Variants in USH2A observed in about 807,000 individuals in gnomAD.
The protein encoded by USH2A is usherin.
USH2A carries 443 observed loss-of-function variants against 538.9 expected under a neutral mutation model. That is an observed-to-expected ratio of 0.82 (90% CI 0.76 to 0.89). The LOEUF (loss-of-function observed/expected upper bound fraction) is 0.89. Among genes scored for constraint, USH2A ranks in the 40% least tolerant of loss-of-function variants. USH2A has a pLI of 0.00. For synonymous variants in USH2A, 2,413 were observed against 2,273.5 expected, an observed-to-expected ratio of 1.06 and a Z score of -1.75; for missense variants, 6,633 against 6,324.8, an observed-to-expected ratio of 1.05 and a Z score of -1.65.
At chr1:215,986,299 TTTTTC>T in intron 35 of USH2A, among the ~76,000 whole-genome samples, 1 of 111,506 alleles carries the variant, frequency 9.0e-6, no homozygotes, top group South Asian at 3.7e-4. Context: ...TTTTTTTTCT[TTTTTC>T]TTTTTCTTTT....
At chr1:216,048,943 GGC>G (rs1173249787) in intron 30 of USH2A, among the ~76,000 whole-genome samples, 3 of 152,138 alleles carry the variant, frequency 2.0e-5, no homozygotes, top group African/African-American at 7.2e-5. Flanking sequence ...TAGTTCGTGA[GGC>G]AGAGCACAAT....
intron 21 of USH2A, among the ~76,000 whole-genome samples, chr1:216,133,672 T>C (rs1375328851): frequency 2.0e-5 from 3 of 152,096 alleles, no homozygotes; most frequent in African/African-American, 7.2e-5. Context: ...ACAAACCCAT[T>C]ATGTCATTAA....
chr1:216,292,482 G>A, intron 9 of USH2A, 112 bp from the exon 10 acceptor site: 2 of 1,128,600 alleles, frequency 1.8e-6, no homozygotes, highest in South Asian at 3.0e-5. Flanking sequence ...TGAGTTAAAA[G>A]TCAGCAATGA....
At position 215,800,085 on chromosome 1, in the gene USH2A, C is replaced by CTTGT. The variant is rs1354066194; in HGVS notation, c.9740-964_9740-961dup. Among the ~76,000 whole-genome samples the CTTGT allele has an allele frequency of 2.0e-5, 3 of 152,214 alleles. No homozygotes were observed. In the South Asian group the frequency reaches 6.2e-4, roughly 32 times the overall value. ...AAATACTCTAAATACCAAGAGTTAG[C>CTTGT]TTGTTTGTTTGTTTGGTATAAAGAC... On this transcript the variant is annotated intron_variant, in intron 49 of 71. Coordinates refer to ENST00000307340, the MANE Select transcript of USH2A (RefSeq NM_206933.4).
At chr1:215,778,838 T>G (rs1255741836) in intron 55 of USH2A, among the ~76,000 whole-genome samples, 1 of 152,204 alleles carries the variant, frequency 6.6e-6, no homozygotes, top group Non-Finnish European at 1.5e-5. Context: ...TTACTTAACT[T>G]CTCAAAGTAT....
At chr1:216,048,673 G>A (rs1410797574) in intron 30 of USH2A, 26 bp from the exon 31 acceptor site, 2 of 1,585,018 alleles carry the variant, frequency 1.3e-6, no homozygotes, top group African/African-American at 1.3e-5. Flanking sequence ...ACAAAAGAGG[G>A]TTGCGTGTTT....
intron 32 of USH2A, among the ~76,000 whole-genome samples, chr1:216,039,044 T>C (rs761101053): frequency 6.6e-6 from 1 of 151,996 alleles, no homozygotes; most frequent in African/African-American, 2.4e-5. Context: ...CACATACGGG[T>C]GCATTATAGA....
chr1:215,728,459 T>C, intron 60 of USH2A, 75 bp from the exon 61 acceptor site: 1 of 1,355,854 alleles, frequency 7.4e-7, no homozygotes, highest in African/African-American at 1.5e-5. Flanking sequence ...AGTAAAAACA[T>C]TTTTTTTAGA....
At chr1:216,095,380 A>G (rs902562102) in intron 22 of USH2A, among the ~76,000 whole-genome samples, 1 of 152,212 alleles carries the variant, frequency 6.6e-6, no homozygotes, top group Non-Finnish European at 1.5e-5. Flanking sequence ...CAAATAAAAA[A>G]TAATATCTTC....
At chr1:215,690,289 G>A (rs376104670) in intron 61 of USH2A, among the ~76,000 whole-genome samples, 1 of 152,150 alleles carries the variant, frequency 6.6e-6, no homozygotes, top group East Asian at 1.9e-4. Flanking sequence ...CTGTGGTAGG[G>A]ACACTAAGGT....
At chr1:216,277,650 A>G (rs1201845180) in intron 11 of USH2A, among the ~76,000 whole-genome samples, 4 of 152,160 alleles carry the variant, frequency 2.6e-5, no homozygotes, top group African/African-American at 7.2e-5. Flanking sequence ...CTAGTCTTCA[A>G]TAGTACACAA....
chr1:216,102,619 G>A (rs1383726043), intron 21 of USH2A, among the ~76,000 whole-genome samples: 2 of 152,020 alleles, frequency 1.3e-5, no homozygotes, highest in South Asian at 2.1e-4. Flanking sequence ...ATAACACGGC[G>A]AAACCTCGTC....
intron 4 of USH2A, among the ~76,000 whole-genome samples, chr1:216,330,055 C>G (rs1296169917): frequency 6.6e-6 from 1 of 151,968 alleles, no homozygotes; most frequent in Admixed American, 6.6e-5. Flanking sequence ...GAAAGACTTA[C>G]CATAACTGAA....
At chr1:216,011,724 T>A (rs1571887317) in intron 32 of USH2A, among the ~76,000 whole-genome samples, 1 of 152,070 alleles carries the variant, frequency 6.6e-6, no homozygotes, top group Middle Eastern at 3.2e-3. Context: ...TTTCTCATAA[T>A]TTCCAAAATC....
Position 215,639,157 on chromosome 1 carries a change from A to C in USH2A, c.15050T>G (p.Leu5017Arg). 6.2e-7 allele frequency: 1 copy of C among 1,614,112 alleles called. No homozygotes were observed. Among genetic ancestry groups the C allele is most frequent in the Non-Finnish European group, 8.5e-7 (1 of 1,179,948 alleles). Residue 5017 changes from leucine (L) to arginine (R), a missense_variant and splice_region_variant, in exon 69 of 72, where the codon CTT (leucine) becomes CGT (arginine). Leu to Arg is a moderately radical substitution (Grantham distance 102). Transcript: ENST00000307340. ...CAAGTATAATATGAGTTGTTTACCA[A>C]GTCCAGTAGAGGTATCATATTGGAT... ...PLIQYDTSTG[L>R]GLVLTTPGKK... is the part of the protein sequence containing the mutation.
chr1:215,929,536 G>C (rs921289721), intron 38 of USH2A, among the ~76,000 whole-genome samples: 3 of 152,034 alleles, frequency 2.0e-5, no homozygotes, highest in Non-Finnish European at 4.4e-5. Flanking sequence ...TGCAGTCTAT[G>C]TGAAAGACAG....
At chr1:216,010,082 A>C (rs532362590) in intron 32 of USH2A, among the ~76,000 whole-genome samples, 1 of 152,270 alleles carries the variant, frequency 6.6e-6, no homozygotes, top group African/African-American at 2.4e-5. Flanking sequence ...TCCAAAAATT[A>C]AATTCTGGCC....
chr1:215,675,225 C>A lies in USH2A; in HGVS notation c.12686G>T (p.Gly4229Val). The A allele has an allele frequency of 3.1e-6, 5 of 1,614,128 alleles. No individual in the cohort carries two copies. Among genetic ancestry groups the A allele is most frequent in the Non-Finnish European group, 4.2e-6 (5 of 1,180,016 alleles). ...ERNTFMYNDT[G>V]LQPWTQCEYK... is the part of the protein sequence containing the mutation. ...TTCACACTGCGTCCATGGTTGCAAA[C>A]CTGTGTCATTATACATAAATGTATT... The change falls in exon 63 of 72, where the codon GGT becomes GTT. Residue 4229 changes from glycine to valine, a missense_variant. Physicochemically the swap from Gly to Val is moderately radical, Grantham distance 109 (BLOSUM62 -3). Coordinates refer to ENST00000307340, the MANE Select transcript of USH2A (RefSeq NM_206933.4).
At chr1:216,359,036 C>T (rs574901681) in intron 4 of USH2A, among the ~76,000 whole-genome samples, 2 of 152,176 alleles carry the variant, frequency 1.3e-5, no homozygotes, top group African/African-American at 4.8e-5. Context: ...AAATAAGGCT[C>T]ACAAGATTTA....
Sources: allele counts gnomAD v4.1 joint callset (sites outside exome capture counted in the v4.1 genomes callset), GRCh38; gene constraint gnomAD v4.1.1; transcripts MANE v1.5; gene names NCBI Gene and HGNC (gene_info 2026-07-23, HGNC 2026-07-21).